The following TRPM3 variants were observed in gnomAD, a reference collection of about 807,000 sequenced individuals.
TRPM3 encodes transient receptor potential cation channel subfamily M member 3.
Under a neutral mutation model 181.2 loss-of-function variants are expected in TRPM3, and 77 were observed. The observed-to-expected ratio is 0.42, with a 90% CI of 0.35 to 0.51. The LOEUF is 0.51. TRPM3 is among the 20% of genes least tolerant of loss of function. The probability of loss-of-function intolerance (pLI) is 0.01; values close to 1 mark genes in which losing one functional copy is unlikely to be tolerated. For missense variants in TRPM3, 1,759 were observed against 2,196.7 expected (o/e 0.80, Z 3.98); for synonymous variants, 745 against 796.4 (o/e 0.94, Z 1.09).
At position 70,848,827 on chromosome 9, in the gene TRPM3, A is replaced by C. The variant is rs1205020249; in HGVS notation, c.463-2236T>G. 2.3e-5 allele frequency among the ~76,000 whole-genome samples: 2 copies of C among 86,348 alleles called. 1 individual carries two copies. Among genetic ancestry groups the C allele is most frequent in the Non-Finnish European group, 5.0e-5 (2 of 40,304 alleles). The allele number at this position is 86,348 out of a possible 152,430, so 56.6% of individuals were successfully genotyped here. A position where few individuals can be genotyped will look rare whatever the true frequency, so the allele number is the denominator to read the frequency against. The stretch of plus-strand genomic sequence containing the variant: ...CCCGTCTCTACTAAAAATACAAAAA[A>C]TTAGCCGGGCGTGGTAGCGGGCGCC... On this transcript the variant is annotated intron_variant, in intron 3 of 25. Coordinates refer to ENST00000677713, the MANE Select transcript of TRPM3 (RefSeq NM_001366145.2).
rs555455933 is a variant in TRPM3, at chr9:71,201,667, G to A, written c.183+244986C>T. 2.7e-4 allele frequency among the ~76,000 whole-genome samples: 41 copies of A among 151,980 alleles called. 1 individual carries two copies. In the South Asian group the frequency reaches 7.3e-3, roughly 27 times the overall value. On this transcript the variant is annotated intron_variant, in intron 1 of 24. Transcript: ENST00000357533. ...ACCCTTTCTTCCAGTTGATCGCATC[G>A]GCTCCTGAGGCTTCTGCATTCTTCA...
intron 1 of TRPM3, among the ~76,000 whole-genome samples, chr9:71,163,531 G>C (rs2076379436): frequency 1.3e-5 from 2 of 152,114 alleles, no homozygotes; most frequent in South Asian, 2.1e-4. Context: ...AGAATGATGA[G>C]AGTTTGAAGT....
chr9:70,643,520 T>C (rs1473004817), intron 9 of TRPM3, among the ~76,000 whole-genome samples: 3 of 152,178 alleles, frequency 2.0e-5, no homozygotes, highest in Admixed American at 6.5e-5. Flanking sequence ...CTTTCAAAAA[T>C]TGAAAATACA....
At chr9:71,143,801 C>A (rs548069042) in intron 1 of TRPM3, among the ~76,000 whole-genome samples, 2 of 152,246 alleles carry the variant, frequency 1.3e-5, no homozygotes, top group South Asian at 4.1e-4. Context: ...TTTACACTCT[C>A]ACCAACAGTG....
intron 1 of TRPM3, among the ~76,000 whole-genome samples, chr9:71,063,198 T>C (rs961725951): frequency 1.3e-5 from 2 of 152,102 alleles, no homozygotes; most frequent in Non-Finnish European, 2.9e-5. Context: ...CTTCCTCCCA[T>C]GAGCCATTTG....
chr9:71,414,891 A>G (rs2093613579), intron 1 of TRPM3, among the ~76,000 whole-genome samples: 1 of 152,052 alleles, frequency 6.6e-6, no homozygotes. Flanking sequence ...AGCAGGCTTC[A>G]TTTTTTTAGG....
At chr9:71,265,729 A>G (rs1369817586) in intron 1 of TRPM3, among the ~76,000 whole-genome samples, 1 of 152,220 alleles carries the variant, frequency 6.6e-6, no homozygotes, top group East Asian at 1.9e-4. Flanking sequence ...TACCCTTAAA[A>G]TTAACACCAG....
intron 1 of TRPM3, among the ~76,000 whole-genome samples, chr9:71,260,206 T>C (rs965867446): frequency 6.6e-6 from 1 of 152,194 alleles, no homozygotes; most frequent in Non-Finnish European, 1.5e-5. Flanking sequence ...TATGGTGTTA[T>C]TTCTGAGGCC....
At chr9:71,362,493 T>C (rs2092191432) in intron 1 of TRPM3, among the ~76,000 whole-genome samples, 2 of 152,184 alleles carry the variant, frequency 1.3e-5, no homozygotes, top group Non-Finnish European at 2.9e-5. Context: ...AAGGATACTG[T>C]ACAGTAAATA....
intron 1 of TRPM3, among the ~76,000 whole-genome samples, chr9:71,173,819 T>C (rs2076979525): frequency 6.6e-6 from 1 of 152,252 alleles, no homozygotes; most frequent in South Asian, 2.1e-4. Context: ...AACACCAATT[T>C]ATTTCTTGAA....
intron 1 of TRPM3, among the ~76,000 whole-genome samples, chr9:71,272,680 GTATAAA>G (rs1268173850): frequency 1.3e-5 from 2 of 152,086 alleles, no homozygotes; most frequent in East Asian, 1.9e-4. Context: ...AATAGAAACT[GTATAAA>G]TATAATTTAT....
At chr9:70,843,341 CA>C (rs1451848574) in intron 4 of TRPM3, among the ~76,000 whole-genome samples, 1 of 152,130 alleles carries the variant, frequency 6.6e-6, no homozygotes, top group Admixed American at 6.6e-5. Flanking sequence ...TGAATTCTAG[CA>C]TTGCATTTCT....
chr9:71,278,524 GAAACACAATTCTT>G (rs1272791616), intron 1 of TRPM3, among the ~76,000 whole-genome samples: 1 of 152,142 alleles, frequency 6.6e-6, no homozygotes, highest in African/African-American at 2.4e-5. Context: ...AATTTTCAAA[GAAACACAATTCTT>G]AAACAGTATA....
Position 70,603,390 on chromosome 9 carries a change from C to T in TRPM3, c.2748G>A (p.Trp916Ter). The T allele has an allele frequency of 1.2e-6, 2 of 1,614,086 alleles. No homozygotes were observed. Among genetic ancestry groups the T allele is most frequent in the Non-Finnish European group, 1.7e-6 (2 of 1,179,954 alleles). Residue 916 changes from tryptophan to a stop codon, truncating the protein, a stop_gained, in exon 20 of 26, where the codon TGG becomes TGA. Transcript: ENST00000677713. LOFTEE classifies it high-confidence loss of function. Reference sequence around the variant, plus strand: ...GGGTGAAAATATAGGAGATTACGATCCATTCCTGGGTGGACGGCCAGCGTT... The same window carrying T: ...GGGTGAAAATATAGGAGATTACGATTCATTCCTGGGTGGACGGCCAGCGTT... ...KMERWPSTQE[W>*]IVISYIFTLG...
intron 1 of TRPM3, among the ~76,000 whole-genome samples, chr9:71,249,622 T>C (rs532117181): frequency 5.3e-5 from 8 of 152,292 alleles, no homozygotes; most frequent in African/African-American, 1.9e-4. Context: ...AGCTGTTTCC[T>C]TTAAAGATAA....
chr9:71,391,737 T>C (rs527949866), intron 1 of TRPM3, among the ~76,000 whole-genome samples: 1 of 152,194 alleles, frequency 6.6e-6, no homozygotes, highest in African/African-American at 2.4e-5. Flanking sequence ...CAAACAAAAG[T>C]AGTAATTCCT....
intron 1 of TRPM3, among the ~76,000 whole-genome samples, chr9:71,438,857 C>T (rs1282755274): frequency 6.6e-6 from 1 of 152,168 alleles, no homozygotes; most frequent in Non-Finnish European, 1.5e-5. Flanking sequence ...AGGTTTATTA[C>T]ACCATTGCCT....
At chr9:71,062,275 T>A (rs1460174010) in intron 1 of TRPM3, among the ~76,000 whole-genome samples, 1 of 152,116 alleles carries the variant, frequency 6.6e-6, no homozygotes. Flanking sequence ...GTGGTTTTAA[T>A]CCACCTTCCC....
intron 1 of TRPM3, among the ~76,000 whole-genome samples, chr9:71,400,809 C>T (rs1228412507): frequency 6.8e-6 from 1 of 147,448 alleles, no homozygotes; most frequent in Non-Finnish European, 1.5e-5. Flanking sequence ...TTTTCAGAAT[C>T]CAGAAATTTT....
Sources: gnomAD v4.1 joint callset for allele counts (sites outside exome capture counted in the v4.1 genomes callset) on GRCh38, gnomAD v4.1.1 for gene constraint, MANE v1.5 for transcripts, NCBI Gene and HGNC (gene_info 2026-07-23, HGNC 2026-07-21) for gene names.